FRY: variants seen among roughly 807,000 people sequenced by gnomAD.
The protein encoded by FRY is protein furry homolog.
In FRY, 128 loss-of-function variants were observed where a neutral mutation model predicts 348.4. The observed-to-expected ratio is 0.37, with a 90% CI of 0.32 to 0.43. FRY has a LOEUF of 0.43. Ranked by LOEUF, FRY falls within the 20% of genes least tolerant of loss-of-function variation. FRY has a pLI of 1.00. For missense variants in FRY, 2,736 were observed against 3,695.2 expected (o/e 0.74, Z 6.73); for synonymous variants, 1,370 against 1,374.7 (o/e 1.00, Z 0.08).
intron 3 of FRY, 143 bp from the exon 4 acceptor site, chr13:32,117,191 C>A (rs550047597): frequency 5.3e-6 from 4 of 747,736 alleles, no homozygotes; most frequent in African/African-American, 5.2e-5. Flanking sequence ...TGGGAATGTA[C>A]TAATAAAGAT....
chr13:32,288,598 A>T (rs184488701), intron 58 of FRY, among the ~76,000 whole-genome samples: 39 of 152,376 alleles, frequency 2.6e-4, no homozygotes, highest in African/African-American at 8.7e-4. Flanking sequence ...GGGAGGAAAC[A>T]GTTTTAAGTC....
At chr13:32,147,159 C>T in intron 11 of FRY, 123 bp from the exon 12 acceptor site, 1 of 677,908 alleles carries the variant, frequency 1.5e-6, no homozygotes, top group East Asian at 2.8e-5. Context: ...TGCAATGTGT[C>T]TCATAAGTAC....
intron 1 of FRY, among the ~76,000 whole-genome samples, chr13:32,058,114 A>G (rs73165197): frequency 0.015 from 2,253 of 152,288 alleles, 18 homozygotes; most frequent in Non-Finnish European, 0.02. Flanking sequence ...TTGTTATGAA[A>G]CTATCAATTA....
At chr13:32,220,363 C>T (rs957989955) in intron 36 of FRY, among the ~76,000 whole-genome samples, 1 of 152,194 alleles carries the variant, frequency 6.6e-6, no homozygotes, top group African/African-American at 2.4e-5. Context: ...TTATCATGCT[C>T]TAATGTAGGT....
intron 15 of FRY, among the ~76,000 whole-genome samples, chr13:32,156,327 G>A (rs962848501): frequency 3.9e-5 from 6 of 152,186 alleles, no homozygotes; most frequent in Non-Finnish European, 7.3e-5. Context: ...GATGTAATAG[G>A]TTGGGCGCAG....
intron 2 of FRY, chr13:32,085,750 G>C (rs545425361): frequency 1.2e-4 from 50 of 403,114 alleles, no homozygotes; most frequent in African/African-American, 9.5e-4. Flanking sequence ...CTCTCTTTGT[G>C]TTCACGCAAA....
chr13:32,082,826 C>A (rs1045218755), intron 2 of FRY, among the ~76,000 whole-genome samples: 31 of 152,032 alleles, frequency 2.0e-4, no homozygotes, highest in African/African-American at 6.5e-4. Context: ...TTTGTTATTT[C>A]TTTGTGGGTT....
intron 20 of FRY, among the ~76,000 whole-genome samples, chr13:32,176,338 G>A (rs564816869): frequency 6.6e-6 from 1 of 152,324 alleles, no homozygotes; most frequent in African/African-American, 2.4e-5. Flanking sequence ...AAGGGAGGCA[G>A]GGCAGAGCTG....
chr13:32,053,067 C>G (rs189925620), intron 1 of FRY, among the ~76,000 whole-genome samples: 2 of 151,536 alleles, frequency 1.3e-5, no homozygotes, highest in Admixed American at 6.6e-5. Context: ...GAGCTGAGAT[C>G]GCACCACTGC....
chr13:32,031,881 T>C lies in FRY; in HGVS notation c.70+16T>C. The C allele has an allele frequency of 2.9e-6, 4 of 1,386,472 alleles. No homozygotes were observed. In the Admixed American group the frequency reaches 5.0e-5, roughly 17 times the overall value. 85.9% of individuals were successfully genotyped at this position (1,386,472 alleles called of 1,614,324 possible). On this transcript the variant is annotated intron_variant, in intron 1 of 60. Transcript: ENST00000542859. ...TGGAGTAATAGTGAGTAATAGAAAA[T>C]AACCTTTTTGTTTGTTTGTTTGCTG...
In FRY at chr13:32,261,786, A is replaced by G; in HGVS notation, c.7587A>G (p.Thr2529=). 1 of 1,614,222 alleles carries G rather than the reference A, an allele frequency of 6.2e-7. No homozygotes were observed. The highest frequency in any genetic ancestry group is 8.5e-7 in the Non-Finnish European group (1 of 1,180,024). The change falls in exon 52 of 61, where the codon ACA becomes ACG. Residue 2529 remains threonine, a synonymous_variant. Transcript: ENST00000542859. The part of the protein sequence containing the change: ...SDESSEEEDL[T]ASQILEHSDL... ...AATCATCCGAGGAGGAGGACCTCAC[A>G]GCCAGCCAGATCCTGGAGCACTCAG...
At position 32,186,253 on chromosome 13, in the gene FRY, T is replaced by A; in HGVS notation, c.3320-7T>A. 1.2e-6 allele frequency: 2 copies of A among 1,609,132 alleles called. No individual in the cohort carries two copies. Among genetic ancestry groups the A allele is most frequent in the Non-Finnish European group, 1.7e-6 (2 of 1,175,406 alleles). On this transcript the variant is annotated splice_region_variant and splice_polypyrimidine_tract_variant and intron_variant, in intron 26 of 60. Transcript: ENST00000542859. ...CTTATAACCTCTAAGTGTGTTTTTC[T>A]CCCTAGTTCACCACCGAAGATTTCT...
At chr13:32,077,064 G>A (rs902009324) in intron 1 of FRY, among the ~76,000 whole-genome samples, 7 of 152,170 alleles carry the variant, frequency 4.6e-5, no homozygotes, top group African/African-American at 1.4e-4. Flanking sequence ...AGAGGAGGAA[G>A]AGATGGGCAG....
At chr13:32,245,853 A>G (rs1886766321) in intron 47 of FRY, among the ~76,000 whole-genome samples, 1 of 152,182 alleles carries the variant, frequency 6.6e-6, no homozygotes, top group Non-Finnish European at 1.5e-5. Context: ...TGTAGGATTC[A>G]AGGGCAAATG....
At chr13:32,071,921 T>G (rs1365148498) in intron 1 of FRY, among the ~76,000 whole-genome samples, 1 of 152,104 alleles carries the variant, frequency 6.6e-6, no homozygotes, top group East Asian at 1.9e-4. Context: ...CACAAAAATA[T>G]ATTTAAAAAA....
intron 52 of FRY, among the ~76,000 whole-genome samples, chr13:32,262,109 T>C (rs1272164794): frequency 2.6e-5 from 4 of 152,160 alleles, no homozygotes; most frequent in Admixed American, 2.6e-4. Context: ...ATTCCCCAGA[T>C]CTCTAAAGTG....
At chr13:32,111,033 C>A (rs951539227) in intron 3 of FRY, among the ~76,000 whole-genome samples, 16 of 152,184 alleles carry the variant, frequency 1.1e-4, no homozygotes, top group African/African-American at 3.9e-4. Flanking sequence ...GGAAGAAATC[C>A]TTTCCAGGAG....
At chr13:32,183,061 G>C in intron 24 of FRY, 27 bp downstream of exon 24, 1 of 1,478,442 alleles carries the variant, frequency 6.8e-7, no homozygotes, top group Non-Finnish European at 9.4e-7. Context: ...AAAAAATTAA[G>C]GCTTGGTTTT....
chr13:32,203,241 G>T (rs1216810152), intron 31 of FRY, among the ~76,000 whole-genome samples: 2 of 152,182 alleles, frequency 1.3e-5, no homozygotes, highest in Admixed American at 6.5e-5. Flanking sequence ...GCTGCAAGTT[G>T]TTTGGTGGTT....
Sources: gnomAD v4.1 joint callset for allele counts (sites outside exome capture counted in the v4.1 genomes callset) on GRCh38, gnomAD v4.1.1 for gene constraint, MANE v1.5 for transcripts, NCBI Gene and HGNC (gene_info 2026-07-23, HGNC 2026-07-21) for gene names.